The following RALGPS2 variants were observed in gnomAD, a reference collection of about 807,000 sequenced individuals.
The protein encoded by RALGPS2 is Ral GEF with PH domain and SH3 binding motif 2, also known as ras-specific guanine nucleotide-releasing factor RalGPS2.
A neutral mutation model predicts 86.8 loss-of-function variants in RALGPS2; 43 were observed. The ratio of observed to expected loss-of-function variants is 0.50; its 90% CI spans 0.39 to 0.64. The LOEUF is 0.64. RALGPS2 is among the 30% of genes least tolerant of loss of function. The pLI is 0.00. For synonymous variants in RALGPS2, 243 were observed against 231.3 expected, an observed-to-expected ratio of 1.05 and a Z score of -0.46; for missense variants, 536 against 694.6, an observed-to-expected ratio of 0.77 and a Z score of 2.57.
intron 1 of RALGPS2, among the ~76,000 whole-genome samples, chr1:178,728,402 C>CTTTTT (rs67007360): frequency 2.4e-4 from 31 of 129,598 alleles, no homozygotes; most frequent in African/African-American, 5.2e-4. Flanking sequence ...CGAAAGTATG[C>CTTTTT]TTTTTTTTTT....
intron 1 of RALGPS2, among the ~76,000 whole-genome samples, chr1:178,759,883 G>T (rs1397731329): frequency 6.6e-6 from 1 of 151,876 alleles, no homozygotes; most frequent in Admixed American, 6.6e-5. Context: ...TGCTTTTTCA[G>T]ATTGTTCACT....
At chr1:178,751,783 A>G (rs557368897) in intron 1 of RALGPS2, among the ~76,000 whole-genome samples, 235 of 152,334 alleles carry the variant, frequency 1.5e-3, no homozygotes, top group Non-Finnish European at 1.6e-3. Flanking sequence ...TAAATTTACT[A>G]GAACATTTCT....
intron 8 of RALGPS2, among the ~76,000 whole-genome samples, chr1:178,839,297 A>C (rs1656455547): frequency 6.6e-6 from 1 of 152,226 alleles, no homozygotes; most frequent in Non-Finnish European, 1.5e-5. Flanking sequence ...AAGCCCATCA[A>C]ACTAACAGCA....
intron 15 of RALGPS2, 106 bp downstream of exon 15, chr1:178,892,413 A>C (rs1659755240): frequency 1.1e-6 from 1 of 878,444 alleles, no homozygotes; most frequent in Non-Finnish European, 1.8e-6. Flanking sequence ...CAACTAATTG[A>C]TTTAAAAACT....
At chr1:178,822,570 CAG>C (rs1204127811) in intron 7 of RALGPS2, among the ~76,000 whole-genome samples, 1 of 151,982 alleles carries the variant, frequency 6.6e-6, no homozygotes, top group Non-Finnish European at 1.5e-5. Context: ...TCTGAAGAGA[CAG>C]ATGTTTCCCA....
chr1:178,797,344 G>A (rs144579375), intron 4 of RALGPS2, among the ~76,000 whole-genome samples: 4 of 152,116 alleles, frequency 2.6e-5, no homozygotes, highest in Admixed American at 2.6e-4. Context: ...AAATTTAGCA[G>A]CTCTTGAGAG....
At chr1:178,904,512 T>G (rs557068408) in intron 18 of RALGPS2, among the ~76,000 whole-genome samples, 6 of 152,334 alleles carry the variant, frequency 3.9e-5, no homozygotes, top group Admixed American at 6.5e-5. Flanking sequence ...TAATTCATCT[T>G]GAGTTGATTT....
At chr1:178,863,221 G>A (rs944303625) in intron 8 of RALGPS2, among the ~76,000 whole-genome samples, 1 of 152,156 alleles carries the variant, frequency 6.6e-6, no homozygotes, top group African/African-American at 2.4e-5. Flanking sequence ...GGGGACATGA[G>A]TAGAATTCAG....
chr1:178,897,645 C>T lies in RALGPS2; in HGVS notation c.1432-19C>T. On this transcript the variant is annotated intron_variant, in intron 16 of 19. Transcript: ENST00000367635. ...CCAGGAGCATTGTAATAGTATATTC[C>T]TGTGTTTGTCCTATCCAGGTAGCAT... 1 of 1,580,374 alleles carries T rather than the reference C, an allele frequency of 6.3e-7. No individual in the cohort carries two copies. Among genetic ancestry groups the T allele is most frequent in the Non-Finnish European group, 8.7e-7 (1 of 1,150,164 alleles).
intron 2 of RALGPS2, among the ~76,000 whole-genome samples, chr1:178,780,750 C>T (rs1653351511): frequency 6.6e-6 from 1 of 152,126 alleles, no homozygotes; most frequent in South Asian, 2.1e-4. Context: ...TGTCCCCTCC[C>T]CATCACTGCA....
intron 7 of RALGPS2, among the ~76,000 whole-genome samples, chr1:178,831,848 C>T (rs951429860): frequency 6.6e-6 from 1 of 152,118 alleles, no homozygotes; most frequent in African/African-American, 2.4e-5. Flanking sequence ...GTCTCTCCTA[C>T]CACAACTCAG....
chr1:178,772,148 A>G (rs1348804178), intron 1 of RALGPS2, among the ~76,000 whole-genome samples: 1 of 152,208 alleles, frequency 6.6e-6, no homozygotes, highest in Non-Finnish European at 1.5e-5. Context: ...ACAGTAGCAC[A>G]CTTTTGTCAA....
intron 18 of RALGPS2, among the ~76,000 whole-genome samples, chr1:178,902,979 G>T (rs1660239654): frequency 6.6e-6 from 1 of 152,046 alleles, no homozygotes; most frequent in Non-Finnish European, 1.5e-5. Context: ...TGGAGGATGG[G>T]CCATGTATAA....
chr1:178,769,598 T>C (rs1282567746), intron 1 of RALGPS2, among the ~76,000 whole-genome samples: 2 of 149,658 alleles, frequency 1.3e-5, no homozygotes, highest in Non-Finnish European at 3.0e-5. Context: ...TGAGGTGGAG[T>C]GGAGAGGGCC....
intron 8 of RALGPS2, among the ~76,000 whole-genome samples, chr1:178,855,787 T>G (rs1034770726): frequency 6.6e-6 from 1 of 151,810 alleles, no homozygotes; most frequent in Non-Finnish European, 1.5e-5. Flanking sequence ...GGATTTTGGA[T>G]TTTTTCAAAG....
rs759787021 is a variant in RALGPS2, at chr1:178,902,139, A to G, written c.1558A>G (p.Ile520Val). 6.2e-7 allele frequency: 1 copy of G among 1,612,888 alleles called. No individual in the cohort carries two copies. The highest frequency in any genetic ancestry group is 8.5e-7 in the Non-Finnish European group (1 of 1,179,130). ...KSTSNKNVSV[I>V]GWMVMMADDP... ...AACATCCAATAAGAACGTATCTGTG[A>G]TAGGATGGATGGTGATGATGGCTGA... Residue 520 changes from isoleucine to valine, a missense_variant, in exon 18 of 20, where the codon ATA becomes GTA. Physicochemically the swap from Ile to Val is conservative, Grantham distance 29. Transcript: ENST00000367635.
chr1:178,852,695 C>A, intron 8 of RALGPS2: 1 of 1,612,944 alleles, frequency 6.2e-7, no homozygotes. Flanking sequence ...GCATACATAT[C>A]TTTATCTCTG....
intron 6 of RALGPS2, among the ~76,000 whole-genome samples, chr1:178,814,968 T>C (rs1191457017): frequency 6.6e-6 from 1 of 152,246 alleles, no homozygotes; most frequent in Non-Finnish European, 1.5e-5. Flanking sequence ...ATCTTTTCTA[T>C]GTTGGCCATT....
chr1:178,894,311 A>G lies in RALGPS2; in HGVS notation c.1431+287A>G, dbSNP rs141243637. On this transcript the variant is annotated intron_variant, in intron 16 of 19. Coordinates refer to ENST00000367635, the MANE Select transcript of RALGPS2 (RefSeq NM_152663.5). ...CTTTTCTATCTTAACTAAGCACTTA[A>G]GCCCACACAGTAACCGTAACTTTTG... The G allele has an allele frequency of 5.2e-3, 1,032 of 198,564 alleles. 15 individuals are homozygous for G. The highest frequency in any genetic ancestry group is 0.022 in the African/African-American group (968 of 43,428). 12.3% of individuals were successfully genotyped at this position (198,564 alleles called of 1,614,324 possible). A position where few individuals can be genotyped will look rare whatever the true frequency, so the allele number is the denominator to read the frequency against.
Sources: allele counts gnomAD v4.1 joint callset (sites outside exome capture counted in the v4.1 genomes callset), GRCh38; gene constraint gnomAD v4.1.1; transcripts MANE v1.5; gene names NCBI Gene and HGNC (gene_info 2026-07-23, HGNC 2026-07-21).